Variants in REV3L observed in about 807,000 individuals in gnomAD.
REV3L encodes the protein REV3 like, DNA directed polymerase zeta catalytic subunit.
Under a neutral mutation model 299.4 loss-of-function variants are expected in REV3L, and 69 were observed. The observed-to-expected ratio is 0.23, with a 90% CI of 0.19 to 0.28. The LOEUF (loss-of-function observed/expected upper bound fraction) is 0.28, where lower values mean the gene tolerates loss of function less well. Ranked by LOEUF, REV3L falls within the 10% of genes least tolerant of loss-of-function variation. The pLI is 1.00. For missense variants in REV3L, 3,128 were observed against 3,693.8 expected, an observed-to-expected ratio of 0.85 and a Z score of 3.97; for synonymous variants, 1,238 against 1,271.4, an observed-to-expected ratio of 0.97 and a Z score of 0.56.
At chr6:111,442,033 T>TA (rs1263231363) in intron 1 of REV3L, among the ~76,000 whole-genome samples, 1 of 152,256 alleles carries the variant, frequency 6.6e-6, no homozygotes, top group African/African-American at 2.4e-5. Context: ...GGGCTGGAGT[T>TA]AGATACTTCC....
intron 25 of REV3L, among the ~76,000 whole-genome samples, chr6:111,326,378 A>G (rs1774818156): frequency 6.6e-6 from 1 of 152,132 alleles, no homozygotes; most frequent in South Asian, 2.1e-4. Flanking sequence ...ATTACTAATT[A>G]GAGAAATGCA....
intron 4 of REV3L, among the ~76,000 whole-genome samples, chr6:111,404,040 T>C (rs887704351): frequency 6.6e-6 from 1 of 152,190 alleles, no homozygotes; most frequent in African/African-American, 2.4e-5. Flanking sequence ...ATACACTAAA[T>C]AACAGATTTG....
At chr6:111,403,821 G>A (rs565716842) in intron 4 of REV3L, among the ~76,000 whole-genome samples, 1 of 152,282 alleles carries the variant, frequency 6.6e-6, no homozygotes, top group South Asian at 2.1e-4. Flanking sequence ...GCCAAAATAA[G>A]CCAAAAGCTA....
chr6:111,326,695 T>C (rs1774861120), intron 25 of REV3L, among the ~76,000 whole-genome samples: 1 of 151,610 alleles, frequency 6.6e-6, no homozygotes, highest in Admixed American at 6.6e-5. Flanking sequence ...ATAGCCAAGA[T>C]ATGGAAACAA....
chr6:111,313,126 G>A, intron 28 of REV3L: 1 of 355,696 alleles, frequency 2.8e-6, no homozygotes, highest in Non-Finnish European at 4.9e-6. Flanking sequence ...TTGGACTACT[G>A]CACTCCAGCC....
At chr6:111,410,716 G>A (rs1784156222) in intron 3 of REV3L, among the ~76,000 whole-genome samples, 1 of 152,190 alleles carries the variant, frequency 6.6e-6, no homozygotes, top group African/African-American at 2.4e-5. Context: ...TAAACCTCAT[G>A]TTCTGGGCAG....
chr6:111,346,748 A>G (rs1466914991), intron 20 of REV3L, among the ~76,000 whole-genome samples: 1 of 152,328 alleles, frequency 6.6e-6, no homozygotes, highest in African/African-American at 2.4e-5. Flanking sequence ...ATCCTAAATG[A>G]GAGGAAACAT....
At chr6:111,431,283 A>G (rs554319685) in intron 1 of REV3L, 3 of 1,386,564 alleles carry the variant, frequency 2.2e-6, no homozygotes, top group African/African-American at 2.8e-5. Flanking sequence ...CTGAAGATGG[A>G]AGGCCATACT....
intron 28 of REV3L, chr6:111,311,540 C>A: frequency 9.1e-6 from 2 of 219,708 alleles, no homozygotes; most frequent in African/African-American, 2.3e-5. Flanking sequence ...ACATAAAACA[C>A]GTTAAGTTTT....
At chr6:111,461,616 T>C (rs1186963780) in intron 1 of REV3L, among the ~76,000 whole-genome samples, 1 of 151,922 alleles carries the variant, frequency 6.6e-6, no homozygotes, top group Non-Finnish European at 1.5e-5. Context: ...AAGTAAAGTG[T>C]ATGACAACAA....
chr6:111,425,230 G>A (rs946647851), intron 1 of REV3L, among the ~76,000 whole-genome samples: 14 of 152,092 alleles, frequency 9.2e-5, no homozygotes, highest in Non-Finnish European at 1.0e-4. Flanking sequence ...AGGCCGAGGC[G>A]GGCAGATTAC....
chr6:111,334,454 G>C, intron 22 of REV3L, among the ~76,000 whole-genome samples: 1 of 152,080 alleles, frequency 6.6e-6, no homozygotes, highest in East Asian at 1.9e-4. Flanking sequence ...ATAAAGTATT[G>C]AATGTGGCTT....
chr6:111,331,712 A>C lies in REV3L; in HGVS notation c.7998T>G (p.Asp2666Glu), dbSNP rs985352024. The change falls in exon 24 of 32, where the codon GAT becomes GAG. Residue 2666 changes from aspartate to glutamate, a missense_variant. By Grantham distance (45) the Asp-to-Glu change is conservative (BLOSUM62 2). Coordinates refer to ENST00000368802, the MANE Select transcript of REV3L (RefSeq NM_001372078.1). ...PPDLLYQVRH[D>E]ITVSPNGVAF... ...CTACTCCATTGGGGGACACTGTGAT[A>C]TCATGCCTAACTTGGTAAAGTAAAT... The C allele has an allele frequency of 6.2e-7, 1 of 1,613,212 alleles. No homozygotes were observed. The highest frequency in any genetic ancestry group is 1.3e-5 in the African/African-American group (1 of 74,904).
intron 1 of REV3L, chr6:111,430,547 GCAGAGCA>G: frequency 6.4e-7 from 1 of 1,571,426 alleles, no homozygotes; most frequent in Non-Finnish European, 8.7e-7. Context: ...AGAGCCTGAA[GCAGAGCA>G]TAGACTTCAT....
At chr6:111,358,136 C>T (rs1050765820) in intron 17 of REV3L, among the ~76,000 whole-genome samples, 1 of 152,054 alleles carries the variant, frequency 6.6e-6, no homozygotes, top group African/African-American at 2.4e-5. Flanking sequence ...TTATAAAATG[C>T]CTTATATGGC....
At chr6:111,480,891 G>A (rs1450339495) in intron 1 of REV3L, among the ~76,000 whole-genome samples, 15 of 147,006 alleles carry the variant, frequency 1.0e-4, no homozygotes, top group Admixed American at 2.1e-4. Flanking sequence ...TGTCCATGAA[G>A]GATTAAATAG....
intron 16 of REV3L, among the ~76,000 whole-genome samples, chr6:111,362,706 T>C (rs1478208309): frequency 6.6e-6 from 1 of 152,212 alleles, no homozygotes; most frequent in Non-Finnish European, 1.5e-5. Context: ...ATGTACTTTA[T>C]CCTTCTAGTA....
At chr6:111,389,727 A>ATTTTTT (rs10713895) in intron 6 of REV3L, among the ~76,000 whole-genome samples, 4 of 81,384 alleles carry the variant, frequency 4.9e-5, no homozygotes, top group African/African-American at 8.7e-5. Flanking sequence ...TTGGTCATTA[A>ATTTTTT]TTTTTTTTTT....
chr6:111,374,877 C>T lies in REV3L; in HGVS notation c.3478G>A (p.Val1160Ile). 1 of 1,613,770 alleles carries T rather than the reference C, an allele frequency of 6.2e-7. No homozygotes were observed. Among genetic ancestry groups the T allele is most frequent in the African/African-American group, 1.3e-5 (1 of 75,004 alleles). ...FKGPNVYKKT[V>I]NSRIGKTSRA... ...CTAGTTTTTCCTATACGAGAATTAACAGTCTTCTTATATACATTAGGACCC... is the reference window on the plus strand; with the variant it reads ...CTAGTTTTTCCTATACGAGAATTAATAGTCTTCTTATATACATTAGGACCC... Residue 1160 changes from valine to isoleucine, a missense_variant, in exon 13 of 32, where the codon GTT (valine) becomes ATT (isoleucine). Physicochemically the swap from Val to Ile is conservative, Grantham distance 29. Around this residue, in one of 9 missense-constraint regions of REV3L, gnomAD observed 2,409 missense variants for 2,611.8 expected, o/e 0.92. Transcript: ENST00000368802.
Sources: allele counts gnomAD v4.1 joint callset (sites outside exome capture counted in the v4.1 genomes callset), GRCh38; gene constraint gnomAD v4.1.1; regional missense constraint gnomAD v4.1.1; transcripts MANE v1.5; gene names NCBI Gene and HGNC (gene_info 2026-07-23, HGNC 2026-07-21).